THAP1: variants seen among roughly 807,000 people sequenced by gnomAD.
THAP1 encodes THAP domain-containing protein 1.
A neutral mutation model predicts 18.2 loss-of-function variants in THAP1; 6 were observed. The observed-to-expected ratio is 0.33, with a 90% confidence interval of 0.18 to 0.65. THAP1 has a LOEUF of 0.65. Ranked by LOEUF, THAP1 falls within the 30% of genes least tolerant of loss-of-function variation. The pLI is 0.74. For synonymous variants in THAP1, 85 were observed against 90.5 expected, an observed-to-expected ratio of 0.94 and a Z score of 0.34; for missense variants, 176 against 253.0, an observed-to-expected ratio of 0.70 and a Z score of 2.06.
In THAP1 at chr8:42,838,011, TA is replaced by T; in HGVS notation, c.592del (p.Tyr198MetfsTer2). 6.2e-7 allele frequency: 1 copy of T among 1,613,846 alleles called. No individual in the cohort carries two copies. On this transcript the variant is annotated frameshift_variant, in exon 3 of 3. Transcript: ENST00000254250. LOFTEE classifies it high-confidence loss of function. ...AAAGTAGTCATTTGGTAGAATCACA[TA>T]ACCTCTTTCTGATACGTCGTCTTTC... Reference protein sequence around the residue: ...KEKDDVSERGYVILPNDYFEI... With the variant: ...KEKDDVSERGXVILPNDYFEI...
chr8:42,841,317 T>A (rs1802713376), intron 1 of THAP1, among the ~76,000 whole-genome samples: 1 of 143,966 alleles, frequency 6.9e-6, no homozygotes, highest in Non-Finnish European at 1.5e-5. Flanking sequence ...TTTTTTTTTT[T>A]TTGAGATGGA....
chr8:42,843,319 C>G lies in THAP1; in HGVS notation c.-225G>C. The G allele has an allele frequency of 1.7e-6, 1 of 603,128 alleles. No homozygotes were observed. The highest frequency in any genetic ancestry group is 1.8e-5 in the South Asian group (1 of 56,922). 37.4% of individuals were successfully genotyped at this position (603,128 alleles called of 1,614,324 possible). On this transcript the variant is annotated 5_prime_UTR_variant, in exon 1 of 3. Coordinates refer to ENST00000254250, the MANE Select transcript of THAP1 (RefSeq NM_018105.3). ...TCTCCCATCTCCAAGATGGCGGAGGCAGCTTCAACCTCACCTCTCGCGAGG... is the reference window on the plus strand; with the variant it reads ...TCTCCCATCTCCAAGATGGCGGAGGGAGCTTCAACCTCACCTCTCGCGAGG...
chr8:42,841,420 C>T (rs1445528002), intron 1 of THAP1, among the ~76,000 whole-genome samples: 1 of 151,132 alleles, frequency 6.6e-6, no homozygotes, highest in East Asian at 1.9e-4. Flanking sequence ...CCTACCTCAG[C>T]CTCCCAAGTA....
intron 1 of THAP1, 28 bp downstream of exon 1, chr8:42,842,996 G>T: frequency 1.3e-6 from 2 of 1,548,092 alleles, no homozygotes; most frequent in Middle Eastern, 1.8e-4. Context: ...GGCTGAGACC[G>T]GCCCCGCGAG....
At chr8:42,842,421 C>A (rs534427925) in intron 1 of THAP1, 1 of 152,114 alleles carries the variant, frequency 6.6e-6, no homozygotes, top group South Asian at 2.1e-4. Flanking sequence ...TTATTATGAT[C>A]CATGTTGTAA....
At position 42,838,109 on chromosome 8, in the gene THAP1, G is replaced by A. The variant is rs140668058; in HGVS notation, c.495C>T (p.Thr165=). The A allele has an allele frequency of 1.5e-5, 24 of 1,614,022 alleles. No homozygotes were observed. The highest frequency in any genetic ancestry group is 1.2e-4 in the African/African-American group (9 of 74,908). ...QVEKLRKKLK[T]AQQRCRRQER... ...CTTGCCTTCTGCATCGCTGCTGTGCGGTCTTGAGCTTCTTTCTGAGTTTTT... is the reference window on the plus strand; with the variant it reads ...CTTGCCTTCTGCATCGCTGCTGTGCAGTCTTGAGCTTCTTTCTGAGTTTTT... Residue 165 remains threonine (T), a synonymous_variant, in exon 3 of 3, where the codon ACC becomes ACT. Transcript: ENST00000254250.
chr8:42,838,044 TG>T lies in THAP1; in HGVS notation c.559del (p.Gln187ArgfsTer13). The T allele has an allele frequency of 6.2e-7, 1 of 1,614,094 alleles. No homozygotes were observed. The highest frequency in any genetic ancestry group is 1.1e-5 in the South Asian group (1 of 91,074). ...TTCTGATACGTCGTCTTTCTCTTTC[TG>T]GAAGTGAACAACCTCCTTTAATTTT... ...LEKLKEVVHF[Q>X]KEKDDVSERG... On this transcript the variant is annotated frameshift_variant, in exon 3 of 3. Transcript: ENST00000254250. LOFTEE classifies it high-confidence loss of function.
At position 42,837,163 on chromosome 8, in the gene THAP1, G is replaced by A. The variant is rs1433997235; in HGVS notation, c.*799C>T. The A allele has an allele frequency of 6.6e-6, 1 of 152,042 alleles. No individual in the cohort carries two copies. Among genetic ancestry groups the A allele is most frequent in the African/African-American group, 2.4e-5 (1 of 41,400 alleles). 9.4% of individuals were successfully genotyped at this position (152,042 alleles called of 1,614,324 possible). On this transcript the variant is annotated 3_prime_UTR_variant, in exon 3 of 3. Transcript: ENST00000254250. ...GGGGAACTGGATGTCCTTCAGCTAG[G>A]GTGTAATGAAAGAAAAAAGCGTATC...
intron 1 of THAP1, among the ~76,000 whole-genome samples, chr8:42,842,232 A>C (rs1382239094): frequency 6.6e-6 from 1 of 152,254 alleles, no homozygotes; most frequent in Non-Finnish European, 1.5e-5. Context: ...AGCGTTTATC[A>C]TAAGTAATTA....
rs569828608 is a variant in THAP1 at position 42,842,245 on chromosome 8, ACT to A, written c.71+777_71+778del. 8.5e-5 allele frequency among the ~76,000 whole-genome samples: 13 copies of A among 152,254 alleles called. No individual in the cohort carries two copies. In the East Asian group the frequency reaches 2.5e-3, roughly 29 times the overall value. On this transcript the variant is annotated intron_variant, in intron 1 of 2. Transcript: ENST00000254250. ...CAAGCGTTTATCATAAGTAATTACA[ACT>A]CTGCACTTTTTTCCTATTTTCAAGA...
Position 42,838,139 on chromosome 8 carries a change from T to C in THAP1, c.465A>G (p.Gln155=), listed in dbSNP as rs1338599769. The C allele has an allele frequency of 1.9e-6, 3 of 1,614,252 alleles. No homozygotes were observed. The East Asian group carries it at 6.7e-5, about 36-fold the overall frequency. Residue 155 remains glutamine, a synonymous_variant, in exon 3 of 3, where the codon CAA becomes CAG. Transcript: ENST00000254250. Reference sequence around the variant, plus strand: ...TGAGCTTCTTTCTGAGTTTTTCAACTTGCTGTTCTAGCTGATGAATCCTTT... The same window carrying C: ...TGAGCTTCTTTCTGAGTTTTTCAACCTGCTGTTCTAGCTGATGAATCCTTT... ...QRKRIHQLEQ[Q]VEKLRKKLKT... is the part of the protein sequence containing the mutation.
Position 42,838,267 on chromosome 8 carries a change from CA to C in THAP1, c.336del (p.Asp113MetfsTer7). On this transcript the variant is annotated frameshift_variant, in exon 3 of 3. Coordinates refer to ENST00000254250, the MANE Select transcript of THAP1 (RefSeq NM_018105.3). LOFTEE classifies it high-confidence loss of function. ...PPPLPPPVSQ[V>X]DAAIGLLMPP... Reference sequence around the variant, plus strand: ...GGCATTAGTAATCCAATAGCAGCATCAACCTGGGAAACAGGAGGCGGTAAAG... The same window carrying C: ...GGCATTAGTAATCCAATAGCAGCATCACCTGGGAAACAGGAGGCGGTAAAG... 1.2e-6 allele frequency: 2 copies of C among 1,614,108 alleles called. No individual in the cohort carries two copies. The highest frequency in any genetic ancestry group is 2.7e-5 in the African/African-American group (2 of 75,052).
Position 42,839,381 on chromosome 8 carries a change from C to T in THAP1, c.72G>A (p.Lys24=), listed in dbSNP as rs1802674964. The T allele has an allele frequency of 8.7e-6, 14 of 1,613,760 alleles. No homozygotes were observed. Among genetic ancestry groups the T allele is most frequent in the East Asian group, 2.2e-5 (1 of 44,836 alleles). Residue 24 remains lysine (K), a splice_region_variant and synonymous_variant, in exon 2 of 3, where the codon AAG becomes AAA. Transcript: ENST00000254250. The part of the protein sequence containing the change: ...YDKDKPVSFH[K]FPLTRPSLCK... ...AAAGACTGGGTCGAGTAAGAGGAAA[C>T]CTAAGAAGAAGGCATAATTCAATTA... is the stretch of plus-strand genomic sequence containing the variant.
rs189683667 is a variant in THAP1, at chr8:42,837,095, G to T, written c.*867C>A. The stretch of plus-strand genomic sequence containing the variant: ...ATACAAATCAAACTCTACTAACACA[G>T]CACATTTGTCAGAGACTTGAAGGCA... On this transcript the variant is annotated 3_prime_UTR_variant, in exon 3 of 3. Transcript: ENST00000254250. 2 of 152,288 alleles carry T rather than the reference G, an allele frequency of 1.3e-5. No individual in the cohort carries two copies. The highest frequency in any genetic ancestry group is 3.9e-4 in the East Asian group (2 of 5,186). The allele number at this position is 152,288 out of a possible 1,614,324, so 9.4% of individuals were successfully genotyped here.
At chr8:42,839,484 G>T in intron 1 of THAP1, 103 bp from the exon 2 acceptor site, 1 of 1,116,680 alleles carries the variant, frequency 9.0e-7, no homozygotes, top group South Asian at 1.3e-5. Context: ...TATTAAAGAT[G>T]TTACAATTGT....
Position 42,837,948 on chromosome 8 carries a change from C to A in THAP1, c.*14G>T. On this transcript the variant is annotated 3_prime_UTR_variant, in exon 3 of 3. Transcript: ENST00000254250. ...GGTATTGCCCCATTAGAAATCAATA[C>A]ACATTTCATTTTTTTATGCTGGTAC... is the stretch of plus-strand genomic sequence containing the variant. 2 of 1,610,880 alleles carry A rather than the reference C, an allele frequency of 1.2e-6. No individual in the cohort carries two copies. The highest frequency in any genetic ancestry group is 1.1e-5 in the South Asian group (1 of 91,070).
Position 42,837,836 on chromosome 8 carries a change from A to G in THAP1, c.*126T>C. The G allele has an allele frequency of 1.3e-5, 14 of 1,056,602 alleles. No individual in the cohort carries two copies. The highest frequency in any genetic ancestry group is 1.7e-5 in the Non-Finnish European group (13 of 781,584). 65.5% of individuals were successfully genotyped at this position (1,056,602 alleles called of 1,614,324 possible). A position where few individuals can be genotyped will look rare whatever the true frequency, so the allele number is the denominator to read the frequency against. ...TTACAGTATATATAGAATTTTTTTT[A>G]AAAAAATATTCTGAACTGTTTTTAT... On this transcript the variant is annotated 3_prime_UTR_variant, in exon 3 of 3. Transcript: ENST00000254250.
chr8:42,841,115 C>T (rs1266151204), intron 1 of THAP1, among the ~76,000 whole-genome samples: 2 of 151,724 alleles, frequency 1.3e-5, no homozygotes, highest in East Asian at 3.9e-4. Context: ...TGGTAAAATT[C>T]AGTACCTAGG....
At position 42,840,427 on chromosome 8, in the gene THAP1, A is replaced by G. The variant is rs181381128; in HGVS notation, c.72-1046T>C. 2.2e-4 allele frequency among the ~76,000 whole-genome samples: 34 copies of G among 152,358 alleles called. No individual in the cohort carries two copies. In the East Asian group the frequency reaches 6.0e-3, roughly 27 times the overall value. On this transcript the variant is annotated intron_variant, in intron 1 of 2. Coordinates refer to ENST00000254250, the MANE Select transcript of THAP1 (RefSeq NM_018105.3). The stretch of plus-strand genomic sequence containing the variant: ...CCATTAGGCCCAGGTAAACGGGGAT[A>G]GTGAGAGTTTACATTTATTGTGGTA...
Sources: allele counts gnomAD v4.1 joint callset (sites outside exome capture counted in the v4.1 genomes callset), GRCh38; gene constraint gnomAD v4.1.1; transcripts MANE v1.5; gene names NCBI Gene and HGNC (gene_info 2026-07-23, HGNC 2026-07-21).